Variants in SPON1 observed in about 807,000 individuals in gnomAD.
SPON1 encodes the protein spondin 1.
In SPON1, 52 loss-of-function variants were observed where a neutral mutation model predicts 111.7. The ratio of observed to expected loss-of-function variants is 0.47; its 90% CI spans 0.37 to 0.59. SPON1 has a LOEUF of 0.59. Among genes scored for constraint, SPON1 ranks in the 20% least tolerant of loss-of-function variants. The pLI is 0.00. For missense variants in SPON1, 957 were observed against 1,068.5 expected (o/e 0.90, Z 1.46); for synonymous variants, 410 against 395.8 (o/e 1.04, Z -0.43).
At chr11:14,089,549 TC>T (rs1554923052) in intron 5 of SPON1, among the ~76,000 whole-genome samples, 2 of 152,196 alleles carry the variant, frequency 1.3e-5, no homozygotes, top group African/African-American at 4.8e-5. Context: ...GCTGGAGCTC[TC>T]CTGTATGAGG....
intron 3 of SPON1, among the ~76,000 whole-genome samples, chr11:14,064,844 C>G (rs1848820063): frequency 2.0e-5 from 3 of 152,160 alleles, no homozygotes; most frequent in Admixed American, 2.0e-4. Context: ...ACTTAATCTT[C>G]TGTGTGTGTC....
At position 14,160,701 on chromosome 11, in the gene SPON1, ATATATATT is replaced by A. The variant is rs1564919297; in HGVS notation, c.825+25141_825+25148del. ...TATTTATATATATATTTATATATTT[ATATATATT>A]TATATATATTTATATATTTATATAT... On this transcript the variant is annotated intron_variant, in intron 6 of 15. Coordinates refer to ENST00000576479, the MANE Select transcript of SPON1 (RefSeq NM_006108.4). Among the ~76,000 whole-genome samples the A allele has an allele frequency of 9.7e-4, 14 of 14,490 alleles. 3 individuals are homozygous for A. The East Asian group carries it at 0.022, about 23-fold the overall frequency. 9.5% of individuals were successfully genotyped at this position (14,490 alleles called of 152,430 possible).
chr11:14,160,917 T>TTATATATATTTATATATCTA (rs797029036), intron 6 of SPON1, among the ~76,000 whole-genome samples: 1 of 41,518 alleles, frequency 2.4e-5, no homozygotes, highest in Non-Finnish European at 3.9e-5. Context: ...ATATATATAT[T>TTATATATATTTATATATCTA]TATATATTTA....
intron 5 of SPON1, among the ~76,000 whole-genome samples, chr11:14,113,568 A>ATTTTTTTTTTTTTTTTTTT (rs782780924): frequency 2.7e-5 from 2 of 74,760 alleles, no homozygotes; most frequent in East Asian, 3.2e-4. Flanking sequence ...TACTTTTTAA[A>ATTTTTTTTTTTTTTTTTTT]TTTTTTTTTT....
Position 14,259,720 on chromosome 11 carries a change from G to A in SPON1, c.1831+19G>A, listed in dbSNP as rs992813768. ...GAGTGCCGTGAGTGAGAGCGGGGGTGGACTTGGAGGAGGCCACTGGGGACA... is the reference window on the plus strand; with the variant it reads ...GAGTGCCGTGAGTGAGAGCGGGGGTAGACTTGGAGGAGGCCACTGGGGACA... On this transcript the variant is annotated intron_variant, in intron 13 of 15. Transcript: ENST00000576479. This position sits in a 1 kb window ranked among gnomAD's most constrained non-coding sequence, Gnocchi z 5.0. The A allele has an allele frequency of 1.4e-5, 22 of 1,561,900 alleles. No individual in the cohort carries two copies. The highest frequency in any genetic ancestry group is 2.7e-5 in the African/African-American group (2 of 73,856).
intron 6 of SPON1, among the ~76,000 whole-genome samples, chr11:14,161,297 A>C (rs537015271): frequency 0.015 from 1,260 of 84,712 alleles, 122 homozygotes; most frequent in African/African-American, 0.049. Flanking sequence ...TTATATATTT[A>C]TATATATATT....
At chr11:14,015,928 G>A (rs769792817) in intron 2 of SPON1, among the ~76,000 whole-genome samples, 9 of 152,142 alleles carry the variant, frequency 5.9e-5, no homozygotes, top group African/African-American at 7.2e-5. Flanking sequence ...ATGTTGCCAC[G>A]GATTCTAGGA....
rs782009797 is a variant in SPON1 at position 14,158,956 on chromosome 11, A to G, written c.825+23388A>G. 1.7e-4 allele frequency among the ~76,000 whole-genome samples: 26 copies of G among 151,716 alleles called. 1 individual carries two copies. The highest frequency in any genetic ancestry group is 2.1e-4 in the Non-Finnish European group (14 of 67,968). ...GTGGAGAACTGTACGTCTGTCTGCA[A>G]TTGTTCAAATCTTTCCTCTTAAGTA... On this transcript the variant is annotated intron_variant, in intron 6 of 15. Coordinates refer to ENST00000576479, the MANE Select transcript of SPON1 (RefSeq NM_006108.4).
chr11:14,105,722 C>T (rs1233610863), intron 5 of SPON1, among the ~76,000 whole-genome samples: 1 of 152,036 alleles, frequency 6.6e-6, no homozygotes, highest in East Asian at 1.9e-4. Flanking sequence ...ATTTCTGAAA[C>T]CTTTGCTTCA....
chr11:13,967,147 A>G (rs1189754341), intron 1 of SPON1, among the ~76,000 whole-genome samples: 1 of 152,196 alleles, frequency 6.6e-6, no homozygotes, highest in Non-Finnish European at 1.5e-5. Flanking sequence ...CAGCAGAATC[A>G]GGATACAGTC....
chr11:14,230,396 GAGA>G (rs1241361160), intron 6 of SPON1, among the ~76,000 whole-genome samples: 18 of 152,322 alleles, frequency 1.2e-4, no homozygotes, highest in African/African-American at 4.3e-4. Flanking sequence ...AGTAAAGAAA[GAGA>G]AGGAGAAGGA....
chr11:14,153,842 G>T (rs537048673), intron 6 of SPON1, among the ~76,000 whole-genome samples: 1 of 152,100 alleles, frequency 6.6e-6, no homozygotes, highest in East Asian at 1.9e-4. Flanking sequence ...GAGGGTAAAG[G>T]CATTGGGTAA....
rs550275580 is a variant in SPON1 at position 14,220,433 on chromosome 11, T to A, written c.826-22899T>A. Among the ~76,000 whole-genome samples the A allele has an allele frequency of 3.9e-5, 6 of 152,278 alleles. No individual in the cohort carries two copies. The East Asian group carries it at 7.7e-4, about 20-fold the overall frequency. On this transcript the variant is annotated intron_variant, in intron 6 of 15. Coordinates refer to ENST00000576479, the MANE Select transcript of SPON1 (RefSeq NM_006108.4). ...GTTGACTGATAATCACAGCCTTTTT[T>A]AAAAAAATTCTTACTAAGGTGACAT...
At chr11:14,164,477 C>A (rs1591395982) in intron 6 of SPON1, among the ~76,000 whole-genome samples, 1 of 152,142 alleles carries the variant, frequency 6.6e-6, no homozygotes, top group South Asian at 2.1e-4. Context: ...AGGGAGCATG[C>A]CCCTCTTTGT....
At chr11:14,117,337 T>C (rs920834297) in intron 5 of SPON1, among the ~76,000 whole-genome samples, 4 of 152,212 alleles carry the variant, frequency 2.6e-5, no homozygotes, top group African/African-American at 4.8e-5. Context: ...AATATTTTTA[T>C]CACATTAAGA....
intron 2 of SPON1, among the ~76,000 whole-genome samples, chr11:14,025,978 C>G (rs1274467494): frequency 6.6e-6 from 1 of 152,222 alleles, no homozygotes; most frequent in Non-Finnish European, 1.5e-5. Flanking sequence ...ACCATACTGA[C>G]AGCACAACAG....
chr11:14,206,817 A>AT (rs1403183793), intron 6 of SPON1, among the ~76,000 whole-genome samples: 1 of 152,334 alleles, frequency 6.6e-6, no homozygotes, highest in Admixed American at 6.5e-5. Flanking sequence ...GCCCAAAGCA[A>AT]TTTATAGATT....
intron 7 of SPON1, among the ~76,000 whole-genome samples, chr11:14,251,189 A>C (rs1388169657): frequency 6.6e-6 from 1 of 152,224 alleles, no homozygotes; most frequent in Non-Finnish European, 1.5e-5. Flanking sequence ...CCAGTCAAGG[A>C]TAAGAGAAAG....
At chr11:13,997,757 A>T (rs1242867151) in intron 2 of SPON1, among the ~76,000 whole-genome samples, 3 of 152,210 alleles carry the variant, frequency 2.0e-5, no homozygotes, top group Non-Finnish European at 4.4e-5. Context: ...AAAATGAAAA[A>T]TTTATGCTAT....
Sources: allele counts gnomAD v4.1 joint callset (sites outside exome capture counted in the v4.1 genomes callset), GRCh38; gene constraint gnomAD v4.1.1; non-coding constraint Gnocchi (gnomAD v3.1); transcripts MANE v1.5; gene names NCBI Gene and HGNC (gene_info 2026-07-23, HGNC 2026-07-21).